The following DACH2 variants were observed in gnomAD, a reference collection of about 807,000 sequenced individuals.
The protein encoded by DACH2 is dachshund family transcription factor 2, also known as dachshund homolog 2.
In DACH2, 17 loss-of-function variants were observed where a neutral mutation model predicts 35.8. The observed-to-expected ratio is 0.48, with a 90% CI of 0.33 to 0.71. The LOEUF is 0.71. DACH2 is among the 30% of genes least tolerant of loss of function. The pLI is 0.02. For synonymous variants in DACH2, 195 were observed against 177.3 expected (o/e 1.10, Z -0.79); for missense variants, 469 against 472.7 (o/e 0.99, Z 0.07).
At chrX:86,298,281 T>C (rs971010243) in intron 1 of DACH2, among the ~76,000 whole-genome samples, 2 of 112,002 alleles carry the variant, frequency 1.8e-5, no homozygotes, top group African/African-American at 6.5e-5. Flanking sequence ...CTCCAGTTTC[T>C]GTTTCCTTCT....
At chrX:86,300,954 G>T (rs896464595) in intron 1 of DACH2, among the ~76,000 whole-genome samples, 1 of 111,942 alleles carries the variant, frequency 8.9e-6, no homozygotes, top group Non-Finnish European at 1.9e-5. Flanking sequence ...AAGGTTATTG[G>T]CCATATTGTG....
At chrX:86,243,125 A>G (rs972089544) in intron 1 of DACH2, among the ~76,000 whole-genome samples, 2 of 111,327 alleles carry the variant, frequency 1.8e-5, no homozygotes, top group African/African-American at 3.3e-5. Flanking sequence ...TCTTTCCCAC[A>G]TAGTTTTTAG....
chrX:86,400,032 T>A (rs142964157), intron 2 of DACH2, among the ~76,000 whole-genome samples: 4,641 of 111,683 alleles, frequency 0.042, 106 homozygotes, highest in East Asian at 0.23. Flanking sequence ...CAGATGTAGA[T>A]TTGGTCTTTT....
chrX:86,567,744 T>G (rs1013491348), intron 3 of DACH2, among the ~76,000 whole-genome samples: 1 of 111,529 alleles, frequency 9.0e-6, no homozygotes, highest in African/African-American at 3.2e-5. Context: ...ATGGCATTTA[T>G]TGTTAAACTG....
chrX:86,702,256 C>T (rs984598430), intron 5 of DACH2, among the ~76,000 whole-genome samples: 1 of 110,448 alleles, frequency 9.1e-6, no homozygotes, highest in Non-Finnish European at 1.9e-5. Flanking sequence ...ATTAAAACAG[C>T]TGGGATATAG....
intron 7 of DACH2, among the ~76,000 whole-genome samples, chrX:86,750,312 A>C (rs1425906849): frequency 3.6e-5 from 4 of 111,721 alleles, no homozygotes; most frequent in African/African-American, 1.3e-4. Context: ...AACACATTGT[A>C]TTTTGTCACA....
chrX:86,686,264 C>T lies in DACH2; in HGVS notation c.773-8757C>T, dbSNP rs1305632102. Among the ~76,000 whole-genome samples the T allele has an allele frequency of 3.6e-5, 4 of 111,027 alleles. No homozygotes were observed. The East Asian group carries it at 1.1e-3, about 31-fold the overall frequency. On this transcript the variant is annotated intron_variant, in intron 4 of 11. Transcript: ENST00000373125. ...TTATTTATTTTTTGAGACGGAGTCT[C>T]ACTCTGTCGCCAGGCTGGAGTTCAG...
At chrX:86,694,002 C>T (rs907150154) in intron 4 of DACH2, among the ~76,000 whole-genome samples, 2 of 102,398 alleles carry the variant, frequency 2.0e-5, no homozygotes, top group African/African-American at 7.3e-5. Context: ...TTAAAAAAAA[C>T]ATTAAATATA....
intron 3 of DACH2, among the ~76,000 whole-genome samples, chrX:86,587,649 G>A (rs1267231676): frequency 1.8e-5 from 2 of 111,554 alleles, no homozygotes; most frequent in Non-Finnish European, 3.8e-5. Context: ...ATAAGCATTT[G>A]TTCAAATGGT....
chrX:86,684,764 G>T (rs952878312), intron 4 of DACH2, among the ~76,000 whole-genome samples: 2 of 109,710 alleles, frequency 1.8e-5, no homozygotes, highest in African/African-American at 3.3e-5. Context: ...GTAAATTTGT[G>T]CCATTTAAAT....
chrX:86,497,948 C>T (rs774767734), intron 2 of DACH2, among the ~76,000 whole-genome samples: 2 of 111,040 alleles, frequency 1.8e-5, no homozygotes, highest in South Asian at 7.7e-4. Flanking sequence ...GAGCTGAGAT[C>T]GTGCCACTGC....
At chrX:86,480,081 G>A (rs780337502) in intron 2 of DACH2, among the ~76,000 whole-genome samples, 1 of 111,789 alleles carries the variant, frequency 8.9e-6, no homozygotes, top group African/African-American at 3.2e-5. Flanking sequence ...TTTTATTGTG[G>A]TCTTCATAGT....
intron 1 of DACH2, among the ~76,000 whole-genome samples, chrX:86,301,001 A>T (rs2034565621): frequency 1.8e-5 from 2 of 112,320 alleles, no homozygotes; most frequent in Non-Finnish European, 3.8e-5. Flanking sequence ...TTAGTTGTTC[A>T]CTTATTAAGG....
intron 1 of DACH2, among the ~76,000 whole-genome samples, chrX:86,179,968 A>G (rs2031422955): frequency 9.2e-6 from 1 of 108,225 alleles, no homozygotes; most frequent in Admixed American, 1.0e-4. Flanking sequence ...CCAAATATGT[A>G]TTTGCAAGAT....
At chrX:86,563,196 A>G (rs1471089619) in intron 3 of DACH2, among the ~76,000 whole-genome samples, 1 of 109,946 alleles carries the variant, frequency 9.1e-6, no homozygotes, top group Non-Finnish European at 1.9e-5. Context: ...GAGACTGATC[A>G]TTGGATTTCT....
intron 3 of DACH2, among the ~76,000 whole-genome samples, chrX:86,546,948 G>T (rs1173430536): frequency 2.7e-5 from 3 of 110,802 alleles, no homozygotes; most frequent in Non-Finnish European, 5.7e-5. Context: ...TGTTTTTAAT[G>T]ATTAGCACTA....
chrX:86,466,936 A>G (rs750148333), intron 2 of DACH2, among the ~76,000 whole-genome samples: 37 of 111,502 alleles, frequency 3.3e-4, no homozygotes, highest in African/African-American at 1.1e-3. Flanking sequence ...GACCTGGGCA[A>G]CAAAACCGCT....
intron 3 of DACH2, among the ~76,000 whole-genome samples, chrX:86,602,943 A>G (rs1004065822): frequency 2.8e-4 from 31 of 111,299 alleles, no homozygotes; most frequent in African/African-American, 9.8e-4. Context: ...AATATTTATA[A>G]TTTTAGGTTT....
At chrX:86,349,045 G>C (rs772453007) in intron 1 of DACH2, among the ~76,000 whole-genome samples, 3 of 112,676 alleles carry the variant, frequency 2.7e-5, no homozygotes, top group Admixed American at 9.4e-5. Context: ...TAGACCCTCT[G>C]CCTTATCACA....
Sources: gnomAD v4.1 joint callset for allele counts (sites outside exome capture counted in the v4.1 genomes callset) on GRCh38, gnomAD v4.1.1 for gene constraint, MANE v1.5 for transcripts, NCBI Gene and HGNC (gene_info 2026-07-23, HGNC 2026-07-21) for gene names.